Variants in NELL1 observed in about 807,000 individuals in gnomAD.
NELL1 encodes the protein protein kinase C-binding protein NELL1.
In NELL1, 76 loss-of-function variants were observed where a neutral mutation model predicts 107.4. The observed-to-expected ratio is 0.71, with a 90% CI of 0.59 to 0.86. The LOEUF (loss-of-function observed/expected upper bound fraction) is 0.86. Ranked by LOEUF, NELL1 falls within the 40% of genes least tolerant of loss-of-function variation. The pLI, the probability that NELL1 is intolerant of heterozygous loss-of-function variation, is 0.00. For synonymous variants in NELL1, 353 were observed against 341.2 expected, an observed-to-expected ratio of 1.03 and a Z score of -0.38; for missense variants, 1,024 against 1,005.5, an observed-to-expected ratio of 1.02 and a Z score of -0.25.
intron 1 of NELL1, among the ~76,000 whole-genome samples, chr11:20,675,815 C>A (rs1854041007): frequency 6.6e-6 from 1 of 151,964 alleles, no homozygotes; most frequent in South Asian, 2.1e-4. Flanking sequence ...ACTCTGGCAC[C>A]CAGGCTGGAG....
chr11:21,446,568 C>T (rs1401480263), intron 15 of NELL1, among the ~76,000 whole-genome samples: 1 of 152,182 alleles, frequency 6.6e-6, no homozygotes, highest in Non-Finnish European at 1.5e-5. Context: ...TTAGGGATCA[C>T]CCCAAGTCCA....
chr11:21,069,450 G>A (rs1853958682), intron 12 of NELL1, among the ~76,000 whole-genome samples: 1 of 152,078 alleles, frequency 6.6e-6, no homozygotes, highest in African/African-American at 2.4e-5. Flanking sequence ...AGAGTCTTTG[G>A]ACACTACTGA....
intron 2 of NELL1, among the ~76,000 whole-genome samples, chr11:20,726,754 A>T (rs1434986737): frequency 2.1e-5 from 2 of 95,430 alleles, no homozygotes. Context: ...CCATCCCCCC[A>T]CCCCATGACA....
chr11:21,521,701 C>A (rs1470752370), intron 15 of NELL1, among the ~76,000 whole-genome samples: 2 of 152,032 alleles, frequency 1.3e-5, no homozygotes, highest in Non-Finnish European at 1.5e-5. Context: ...TTCATAGAGG[C>A]TGTTCTAATT....
intron 15 of NELL1, among the ~76,000 whole-genome samples, chr11:21,493,782 A>G (rs1355371019): frequency 1.3e-5 from 2 of 152,062 alleles, no homozygotes; most frequent in Admixed American, 6.6e-5. Context: ...GAAATGACAA[A>G]TAGTGTAGGT....
intron 2 of NELL1, among the ~76,000 whole-genome samples, chr11:20,769,853 G>A (rs193149010): frequency 1.2e-3 from 176 of 152,238 alleles, no homozygotes; most frequent in East Asian, 4.8e-3. Context: ...GTTGCACAAG[G>A]ATGAACTTAC....
chr11:21,047,424 A>G (rs1237446265), intron 12 of NELL1, among the ~76,000 whole-genome samples: 1 of 152,150 alleles, frequency 6.6e-6, no homozygotes, highest in South Asian at 2.1e-4. Context: ...CATGTATTAG[A>G]TGAACCTAAT....
At chr11:21,351,374 T>C (rs912989115) in intron 14 of NELL1, among the ~76,000 whole-genome samples, 7 of 152,114 alleles carry the variant, frequency 4.6e-5, no homozygotes, top group African/African-American at 1.4e-4. Context: ...GGACTGGAGA[T>C]GGTCATCAGG....
intron 12 of NELL1, among the ~76,000 whole-genome samples, chr11:21,064,113 A>G (rs1046950982): frequency 6.6e-6 from 1 of 152,198 alleles, no homozygotes; most frequent in African/African-American, 2.4e-5. Flanking sequence ...TGTCATAGTC[A>G]GGAAACAGCT....
chr11:21,223,138 T>C (rs754729816), intron 13 of NELL1, among the ~76,000 whole-genome samples: 13 of 152,104 alleles, frequency 8.5e-5, no homozygotes, highest in Non-Finnish European at 1.9e-4. Context: ...GAGTGGGTTG[T>C]TCAAGCCCCC....
At chr11:21,334,155 G>T (rs572090852) in intron 14 of NELL1, among the ~76,000 whole-genome samples, 291 of 152,138 alleles carry the variant, frequency 1.9e-3, no homozygotes, top group African/African-American at 6.1e-3. Flanking sequence ...CAAGGAACGT[G>T]TGTAGAAGAA....
chr11:21,189,509 C>G lies in NELL1; in HGVS notation c.1427-39823C>G, dbSNP rs567913223. Among the ~76,000 whole-genome samples the G allele has an allele frequency of 9.7e-4, 148 of 151,842 alleles. 1 individual carries two copies. In the Middle Eastern group the frequency reaches 0.014, roughly 14 times the overall value. On this transcript the variant is annotated intron_variant, in intron 13 of 19. Coordinates refer to ENST00000357134, the MANE Select transcript of NELL1 (RefSeq NM_006157.5). ...AATCAAAAAGACATGGCAACCTGCTCTCAAGGTTACCTATACTTTAGACAA... is the reference window on the plus strand; with the variant it reads ...AATCAAAAAGACATGGCAACCTGCTGTCAAGGTTACCTATACTTTAGACAA...
intron 5 of NELL1, among the ~76,000 whole-genome samples, chr11:20,905,103 G>C (rs1849965748): frequency 1.3e-5 from 2 of 151,510 alleles, no homozygotes; most frequent in South Asian, 4.2e-4. Context: ...GCCTATCAGA[G>C]TGTTGGGATT....
At chr11:21,256,496 G>A (rs1167800408) in intron 14 of NELL1, among the ~76,000 whole-genome samples, 2 of 152,024 alleles carry the variant, frequency 1.3e-5, no homozygotes, top group South Asian at 4.1e-4. Flanking sequence ...CACGTCATAA[G>A]TAGCTTAAGG....
chr11:20,956,854 A>G (rs1020352838), intron 11 of NELL1, among the ~76,000 whole-genome samples: 2 of 152,212 alleles, frequency 1.3e-5, no homozygotes, highest in Non-Finnish European at 2.9e-5. Context: ...ATGATAAAGC[A>G]TCTTTATATA....
At chr11:21,239,508 A>T (rs1465667299) in intron 14 of NELL1, among the ~76,000 whole-genome samples, 4 of 152,064 alleles carry the variant, frequency 2.6e-5, no homozygotes, top group Non-Finnish European at 5.9e-5. Context: ...AGTGGGAAAC[A>T]TTCGTGAGAC....
At chr11:21,131,839 G>T (rs150102250) in intron 13 of NELL1, among the ~76,000 whole-genome samples, 23 of 152,182 alleles carry the variant, frequency 1.5e-4, no homozygotes, top group Admixed American at 5.9e-4. Flanking sequence ...TGTAACTTTT[G>T]CATACTGACT....
intron 15 of NELL1, among the ~76,000 whole-genome samples, chr11:21,379,407 C>T (rs922987974): frequency 1.3e-5 from 2 of 152,058 alleles, no homozygotes; most frequent in East Asian, 3.9e-4. Context: ...CTCTCATAAG[C>T]TTTGAACCTC....
At chr11:20,794,044 G>C (rs935052556) in intron 3 of NELL1, among the ~76,000 whole-genome samples, 6 of 152,234 alleles carry the variant, frequency 3.9e-5, no homozygotes. Flanking sequence ...CAGTCTGAGA[G>C]AAGTAGGTTA....
Sources: allele counts gnomAD v4.1 joint callset (sites outside exome capture counted in the v4.1 genomes callset), GRCh38; gene constraint gnomAD v4.1.1; transcripts MANE v1.5; gene names NCBI Gene and HGNC (gene_info 2026-07-23, HGNC 2026-07-21).